Variants in MAP3K1 observed in about 807,000 individuals in gnomAD.
The protein encoded by MAP3K1 is mitogen-activated protein kinase kinase kinase 1, also known as MAP/ERK kinase kinase 1.
Under a neutral mutation model 144.2 loss-of-function variants are expected in MAP3K1, and 36 were observed. That is an observed-to-expected ratio of 0.25 (90% CI 0.19 to 0.33). MAP3K1 has a LOEUF of 0.33. MAP3K1 is among the 10% of genes least tolerant of loss of function. The probability of loss-of-function intolerance (pLI) is 1.00; values close to 1 mark genes in which losing one functional copy is unlikely to be tolerated. For missense variants in MAP3K1, 1,650 were observed against 1,881.9 expected (o/e 0.88, Z 2.28); for synonymous variants, 718 against 688.7 (o/e 1.04, Z -0.67).
intron 4 of MAP3K1, 94 bp from the exon 5 acceptor site, chr5:56,865,241 TTAGTA>T: frequency 3.9e-6 from 3 of 770,894 alleles, no homozygotes; most frequent in Non-Finnish European, 6.8e-6. Flanking sequence ...AATAGAAACT[TTAGTA>T]TAAAAAGTTG....
intron 17 of MAP3K1, 58 bp downstream of exon 17, chr5:56,886,121 G>A: frequency 6.9e-7 from 1 of 1,457,140 alleles, no homozygotes; most frequent in Non-Finnish European, 9.6e-7. Context: ...TTAAAATTTG[G>A]GGCCAGGCAC....
At chr5:56,853,569 A>T (rs1163587816) in intron 1 of MAP3K1, among the ~76,000 whole-genome samples, 2 of 152,174 alleles carry the variant, frequency 1.3e-5, no homozygotes, top group African/African-American at 2.4e-5. Context: ...TGGAGCTTAC[A>T]GTTCATAAGA....
chr5:56,817,082 GTCTT>G, intron 1 of MAP3K1: 2 of 985,400 alleles, frequency 2.0e-6, no homozygotes, highest in Non-Finnish European at 2.4e-6. Context: ...GCTCAGATGC[GTCTT>G]CTGGTGCATA....
At chr5:56,869,652 TG>T (rs918774947) in intron 6 of MAP3K1, among the ~76,000 whole-genome samples, 2 of 152,318 alleles carry the variant, frequency 1.3e-5, no homozygotes, top group Admixed American at 1.3e-4. Context: ...GTATTCTTTT[TG>T]TTGTCAGAGA....
At chr5:56,818,524 A>T (rs1030033277) in intron 1 of MAP3K1, among the ~76,000 whole-genome samples, 4 of 152,082 alleles carry the variant, frequency 2.6e-5, no homozygotes, top group African/African-American at 4.8e-5. Flanking sequence ...AATAAATAAT[A>T]CTCGTATTTA....
chr5:56,867,980 G>A (rs1046855482), intron 6 of MAP3K1, among the ~76,000 whole-genome samples: 13 of 152,014 alleles, frequency 8.6e-5, no homozygotes, highest in African/African-American at 3.1e-4. Context: ...ACCAAATCTA[G>A]GTTATAATAA....
chr5:56,853,041 GAAATT>G (rs773919291), intron 1 of MAP3K1, among the ~76,000 whole-genome samples: 25 of 152,128 alleles, frequency 1.6e-4, no homozygotes, highest in Non-Finnish European at 3.7e-4. Flanking sequence ...GTTTCAGAGA[GAAATT>G]AAACAGAGTA....
At chr5:56,864,180 A>G (rs1239301226) in intron 3 of MAP3K1, among the ~76,000 whole-genome samples, 2 of 152,206 alleles carry the variant, frequency 1.3e-5, no homozygotes, top group Non-Finnish European at 2.9e-5. Context: ...AATTTATAAA[A>G]TTACCACATG....
intron 9 of MAP3K1, among the ~76,000 whole-genome samples, chr5:56,873,615 A>G (rs977445985): frequency 1.3e-5 from 2 of 152,102 alleles, no homozygotes; most frequent in African/African-American, 2.4e-5. Flanking sequence ...TGCTCAGTCT[A>G]TTATTTTTTA....
intron 1 of MAP3K1, among the ~76,000 whole-genome samples, chr5:56,828,696 TA>T (rs1746391276): frequency 6.6e-6 from 1 of 152,130 alleles, no homozygotes; most frequent in African/African-American, 2.4e-5. Context: ...AATACTACCT[TA>T]GGGGGCAGTT....
At chr5:56,885,873 G>A in intron 16 of MAP3K1, 59 bp from the exon 17 acceptor site, 1 of 1,495,490 alleles carries the variant, frequency 6.7e-7, no homozygotes, top group Non-Finnish European at 9.3e-7. Flanking sequence ...AAACCAAAGT[G>A]TAATAAATAC....
intron 19 of MAP3K1, among the ~76,000 whole-genome samples, chr5:56,890,355 G>A (rs926692264): frequency 6.6e-6 from 1 of 152,098 alleles, no homozygotes; most frequent in Non-Finnish European, 1.5e-5. Context: ...CTCCTTCCTA[G>A]GTAGAGTTTA....
intron 18 of MAP3K1, chr5:56,887,736 A>C (rs1748427046): frequency 1.1e-5 from 6 of 556,242 alleles, no homozygotes; most frequent in Non-Finnish European, 1.9e-5. Context: ...AGATTTACTT[A>C]ACGGCTGTTA....
intron 5 of MAP3K1, 112 bp from the exon 6 acceptor site, chr5:56,865,717 A>T: frequency 1.7e-6 from 2 of 1,199,534 alleles, no homozygotes. Context: ...AAGCTCTTAA[A>T]TCAACTTTAT....
At chr5:56,850,751 C>G (rs1216185284) in intron 1 of MAP3K1, among the ~76,000 whole-genome samples, 1 of 152,182 alleles carries the variant, frequency 6.6e-6, no homozygotes, top group African/African-American at 2.4e-5. Context: ...CACAGGGTTG[C>G]TGGAAGGGTG....
intron 1 of MAP3K1, among the ~76,000 whole-genome samples, chr5:56,842,567 T>C (rs1746846456): frequency 6.6e-6 from 1 of 152,228 alleles, no homozygotes; most frequent in African/African-American, 2.4e-5. Context: ...TATTGTGGGC[T>C]ACCATGCACT....
In MAP3K1 at chr5:56,860,011, T is replaced by G. The variant is rs1458113577; in HGVS notation, c.834+96T>G. 4 of 1,126,738 alleles carry G rather than the reference T, an allele frequency of 3.6e-6. No individual in the cohort carries two copies. The Admixed American group carries it at 8.0e-5, about 23-fold the overall frequency. 69.8% of individuals were successfully genotyped at this position (1,126,738 alleles called of 1,614,324 possible). A position where few individuals can be genotyped will look rare whatever the true frequency, so the allele number is the denominator to read the frequency against. On this transcript the variant is annotated intron_variant, in intron 3 of 19. Transcript: ENST00000399503. ...GGCCAGCCATCTGTTAGAACATCAG[T>G]TTTCAAAATATGATCTGCAGACCCC...
chr5:56,889,125 C>CA (rs1748470842), intron 19 of MAP3K1, among the ~76,000 whole-genome samples: 1 of 152,130 alleles, frequency 6.6e-6, no homozygotes. Context: ...TTACATAATT[C>CA]AAAAATCTTA....
intron 1 of MAP3K1, among the ~76,000 whole-genome samples, chr5:56,836,074 C>A (rs1746646445): frequency 1.3e-5 from 2 of 152,138 alleles, no homozygotes; most frequent in African/African-American, 4.8e-5. Context: ...AATATTCTAA[C>A]AAAAACGTGT....
Sources: allele counts gnomAD v4.1 joint callset (sites outside exome capture counted in the v4.1 genomes callset), GRCh38; gene constraint gnomAD v4.1.1; transcripts MANE v1.5; gene names NCBI Gene and HGNC (gene_info 2026-07-23, HGNC 2026-07-21).